The following FGD4 variants were observed in gnomAD, a reference collection of about 807,000 sequenced individuals.
FGD4 encodes the protein FYVE, RhoGEF and PH domain-containing protein 4.
A neutral mutation model predicts 102.0 loss-of-function variants in FGD4; 42 were observed. The ratio of observed to expected loss-of-function variants is 0.41; its 90% CI spans 0.32 to 0.53. The LOEUF (loss-of-function observed/expected upper bound fraction) is 0.53, where lower values mean the gene tolerates loss of function less well. Among genes scored for constraint, FGD4 ranks in the 20% least tolerant of loss-of-function variants. The pLI is 0.21. For missense variants in FGD4, 902 were observed against 1,078.2 expected (o/e 0.84, Z 2.29); for synonymous variants, 380 against 375.7 (o/e 1.01, Z -0.13).
At chr12:32,525,377 T>C (rs895932839) in intron 1 of FGD4, among the ~76,000 whole-genome samples, 1 of 152,260 alleles carries the variant, frequency 6.6e-6, no homozygotes, top group Non-Finnish European at 1.5e-5. Flanking sequence ...TGGAATGTTT[T>C]AAAAGTATAT....
intron 3 of FGD4, among the ~76,000 whole-genome samples, chr12:32,579,353 G>T (rs1946410936): frequency 1.3e-5 from 2 of 152,040 alleles, no homozygotes; most frequent in Admixed American, 6.5e-5. Flanking sequence ...CGGAACATTG[G>T]TTTTTCCCAT....
intron 1 of FGD4, among the ~76,000 whole-genome samples, chr12:32,401,834 C>G (rs1307628971): frequency 6.9e-6 from 1 of 145,470 alleles, no homozygotes; most frequent in Non-Finnish European, 1.5e-5. Context: ...CTTCAAGATT[C>G]TCCTGTCTCA....
intron 4 of FGD4, among the ~76,000 whole-genome samples, chr12:32,592,620 C>T (rs1947577013): frequency 6.6e-6 from 1 of 151,866 alleles, no homozygotes; most frequent in Non-Finnish European, 1.5e-5. Flanking sequence ...AGGCTATAGC[C>T]CCAATGTACC....
At chr12:32,583,759 C>G (rs1178158056) in intron 4 of FGD4, among the ~76,000 whole-genome samples, 2 of 152,168 alleles carry the variant, frequency 1.3e-5, no homozygotes, top group Admixed American at 1.3e-4. Context: ...GTGAGTCATA[C>G]TTGGTAACAT....
intron 1 of FGD4, among the ~76,000 whole-genome samples, chr12:32,460,502 CAAAA>C (rs111317093): frequency 1.6e-5 from 2 of 127,400 alleles, no homozygotes; most frequent in African/African-American, 3.2e-5. Flanking sequence ...GACCCGGTCT[CAAAA>C]AAAAAAAAAG....
intron 10 of FGD4, among the ~76,000 whole-genome samples, chr12:32,615,495 A>G (rs1430939319): frequency 6.6e-6 from 1 of 152,206 alleles, no homozygotes; most frequent in African/African-American, 2.4e-5. Context: ...GATTAACTAT[A>G]AAAGTTCTCA....
At chr12:32,605,575 T>C (rs971861888) in intron 7 of FGD4, among the ~76,000 whole-genome samples, 1 of 152,218 alleles carries the variant, frequency 6.6e-6, no homozygotes, top group African/African-American at 2.4e-5. Flanking sequence ...AAACTCTAGG[T>C]ACAAACAGCT....
chr12:32,453,314 G>A (rs1327251182), intron 1 of FGD4, among the ~76,000 whole-genome samples: 4 of 149,492 alleles, frequency 2.7e-5, no homozygotes, highest in Admixed American at 6.7e-5. Flanking sequence ...GCTCACTGCA[G>A]ACTCCACCTC....
intron 2 of FGD4, among the ~76,000 whole-genome samples, chr12:32,572,528 G>T (rs1945756390): frequency 6.6e-6 from 1 of 152,096 alleles, no homozygotes; most frequent in African/African-American, 2.4e-5. Context: ...ACCAAGAAGA[G>T]GAGGAATCGG....
intron 1 of FGD4, among the ~76,000 whole-genome samples, chr12:32,463,541 T>C (rs1353966742): frequency 6.6e-6 from 1 of 152,228 alleles, no homozygotes; most frequent in African/African-American, 2.4e-5. Flanking sequence ...GGAGAAACAT[T>C]GATACAGTCC....
chr12:32,407,194 C>T (rs543668027), intron 1 of FGD4, among the ~76,000 whole-genome samples: 7 of 143,666 alleles, frequency 4.9e-5, no homozygotes, highest in Admixed American at 2.9e-4. Flanking sequence ...GGCACGATCT[C>T]GGCTCACTGC....
chr12:32,469,235 C>A (rs983063693), intron 1 of FGD4, among the ~76,000 whole-genome samples: 1 of 152,074 alleles, frequency 6.6e-6, no homozygotes, highest in African/African-American at 2.4e-5. Flanking sequence ...TTTATATATA[C>A]TAGAAATTTT....
At chr12:32,421,404 C>T (rs910452519) in intron 1 of FGD4, among the ~76,000 whole-genome samples, 2 of 152,298 alleles carry the variant, frequency 1.3e-5, no homozygotes, top group Non-Finnish European at 1.5e-5. Flanking sequence ...TTTAGTTTAA[C>T]AGTTCCAATT....
intron 1 of FGD4, among the ~76,000 whole-genome samples, chr12:32,476,727 A>C (rs1943593249): frequency 6.6e-6 from 1 of 152,110 alleles, no homozygotes; most frequent in African/African-American, 2.4e-5. Flanking sequence ...AAAAACATAA[A>C]AGAAGGTGCC....
At chr12:32,408,102 C>A (rs1253027361) in intron 1 of FGD4, among the ~76,000 whole-genome samples, 2 of 151,624 alleles carry the variant, frequency 1.3e-5, no homozygotes, top group African/African-American at 4.8e-5. Context: ...CAGGTTCAAA[C>A]GATTCCCCTG....
At chr12:32,596,161 G>A (rs1341547264) in intron 4 of FGD4, among the ~76,000 whole-genome samples, 1 of 152,200 alleles carries the variant, frequency 6.6e-6, no homozygotes, top group Non-Finnish European at 1.5e-5. Flanking sequence ...CAAAGTACTA[G>A]ATAGAAAGTT....
intron 1 of FGD4, among the ~76,000 whole-genome samples, chr12:32,548,181 A>C (rs1464125296): frequency 6.6e-6 from 1 of 152,120 alleles, no homozygotes; most frequent in Non-Finnish European, 1.5e-5. Context: ...CCATTTTGAA[A>C]ACGATTTTTT....
In FGD4 at chr12:32,557,613, A is replaced by G. The variant is rs1341141647; in HGVS notation, c.167-6524A>G. On this transcript the variant is annotated intron_variant, in intron 1 of 16. Transcript: ENST00000534526. Reference sequence around the variant, plus strand: ...TCCAAGGAACTTTCTTTAACTCTTCATCAGATTTTCTTTTTGAAGAACCTT... The same window carrying G: ...TCCAAGGAACTTTCTTTAACTCTTCGTCAGATTTTCTTTTTGAAGAACCTT... Among the ~76,000 whole-genome samples, 10 of 152,208 alleles carry G rather than the reference A, an allele frequency of 6.6e-5. No individual in the cohort carries two copies. In the East Asian group the frequency reaches 1.7e-3, roughly 26 times the overall value.
intron 16 of FGD4, 64 bp from the exon 17 acceptor site, chr12:32,640,212 G>T (rs1951086708): frequency 6.2e-7 from 1 of 1,612,460 alleles, no homozygotes; most frequent in Non-Finnish European, 8.5e-7. Flanking sequence ...TTTAGTAGGA[G>T]CAAGGGACAC....
Sources: allele counts gnomAD v4.1 joint callset (sites outside exome capture counted in the v4.1 genomes callset), GRCh38; gene constraint gnomAD v4.1.1; transcripts MANE v1.5; gene names NCBI Gene and HGNC (gene_info 2026-07-23, HGNC 2026-07-21).